Variants in CFAP221 observed in about 807,000 individuals in gnomAD.
The protein encoded by CFAP221 is cilia- and flagella-associated protein 221.
A neutral mutation model predicts 113.1 loss-of-function variants in CFAP221; 97 were observed. The observed-to-expected ratio is 0.86, with a 90% CI of 0.73 to 1.02. CFAP221 has a LOEUF of 1.02. CFAP221 is among the 50% of genes least tolerant of loss of function. The pLI, the probability that CFAP221 is intolerant of heterozygous loss-of-function variation, is 0.00. For missense variants in CFAP221, 1,025 were observed against 1,013.4 expected (o/e 1.01, Z -0.16); for synonymous variants, 331 against 354.4 (o/e 0.93, Z 0.74).
At chr2:119,596,913 A>C (rs1684020872) in intron 7 of CFAP221, among the ~76,000 whole-genome samples, 1 of 152,164 alleles carries the variant, frequency 6.6e-6, no homozygotes, top group Non-Finnish European at 1.5e-5. Context: ...GATCGCCTGC[A>C]CTTGGCACTT....
chr2:119,649,598 G>A (rs550003442), intron 22 of CFAP221, among the ~76,000 whole-genome samples: 1 of 152,336 alleles, frequency 6.6e-6, no homozygotes, highest in Admixed American at 6.5e-5. Flanking sequence ...CCAAGGCTTA[G>A]TGAAGCTGCC....
intron 16 of CFAP221, 70 bp downstream of exon 16, chr2:119,627,856 G>A (rs550514366): frequency 3.2e-6 from 5 of 1,581,006 alleles, no homozygotes; most frequent in Non-Finnish European, 4.3e-6. Context: ...TACAAGGCAA[G>A]CCCTACCTCA....
At chr2:119,574,094 G>C (rs1682257188) in intron 6 of CFAP221, among the ~76,000 whole-genome samples, 1 of 152,212 alleles carries the variant, frequency 6.6e-6, no homozygotes. Flanking sequence ...AAGAAAGCCA[G>C]TGTTGACCTT....
At chr2:119,588,468 C>T (rs1333554381) in intron 7 of CFAP221, among the ~76,000 whole-genome samples, 3 of 152,160 alleles carry the variant, frequency 2.0e-5, no homozygotes, top group African/African-American at 7.2e-5. Flanking sequence ...ACCTAAGACT[C>T]AGAATATTAA....
At chr2:119,631,015 TAAAC>T in intron 19 of CFAP221, 114 bp downstream of exon 19, 3 of 1,488,044 alleles carry the variant, frequency 2.0e-6, no homozygotes, top group Non-Finnish European at 2.7e-6. Flanking sequence ...TTTCAAGTGT[TAAAC>T]AATATCTGAC....
At chr2:119,652,967 A>G (rs182460570) in intron 23 of CFAP221, among the ~76,000 whole-genome samples, 1 of 148,676 alleles carries the variant, frequency 6.7e-6, no homozygotes, top group African/African-American at 2.4e-5. Context: ...TATTTATATT[A>G]TGTATTTATA....
chr2:119,559,843 G>T, intron 4 of CFAP221, 68 bp downstream of exon 4: 1 of 1,468,402 alleles, frequency 6.8e-7, no homozygotes, highest in Non-Finnish European at 9.2e-7. Context: ...GTGTGGGGTG[G>T]GGGGTGTGTG....
At chr2:119,600,446 C>T (rs1481291261) in intron 7 of CFAP221, among the ~76,000 whole-genome samples, 1 of 152,204 alleles carries the variant, frequency 6.6e-6, no homozygotes, top group Non-Finnish European at 1.5e-5. Context: ...AATTTGCTTA[C>T]AGATGATAGT....
chr2:119,633,689 C>T (rs1299831861), intron 19 of CFAP221, among the ~76,000 whole-genome samples: 1 of 148,256 alleles, frequency 6.7e-6, no homozygotes, highest in African/African-American at 2.5e-5. Context: ...AGACATTTCT[C>T]CAAAGAAGAC....
chr2:119,618,443 G>A (rs928946394), intron 14 of CFAP221, among the ~76,000 whole-genome samples: 12 of 152,162 alleles, frequency 7.9e-5, no homozygotes, highest in Non-Finnish European at 1.5e-4. Flanking sequence ...AGGGTGAGCC[G>A]AAGCAGGGTG....
intron 11 of CFAP221, among the ~76,000 whole-genome samples, chr2:119,606,167 CA>C (rs376153114): frequency 0.03 from 4,442 of 146,314 alleles, 84 homozygotes; most frequent in Non-Finnish European, 0.044. Context: ...CCATGCCCAG[CA>C]AATTTTTTTT....
chr2:119,603,670 A>G (rs1423887762), intron 8 of CFAP221, among the ~76,000 whole-genome samples: 2 of 152,244 alleles, frequency 1.3e-5, no homozygotes, highest in Non-Finnish European at 2.9e-5. Context: ...TCGTTGCTTA[A>G]AGAAATGCTT....
chr2:119,656,328 C>G, intron 23 of CFAP221, 34 bp from the exon 24 acceptor site: 1 of 1,577,936 alleles, frequency 6.3e-7, no homozygotes, highest in Non-Finnish European at 8.7e-7. Context: ...ATTAAGTGTC[C>G]TCATGTTTCC....
At chr2:119,561,289 CA>C (rs1032698515) in intron 5 of CFAP221, among the ~76,000 whole-genome samples, 4 of 148,230 alleles carry the variant, frequency 2.7e-5, no homozygotes, top group Admixed American at 2.0e-4. Context: ...GACTCCATCT[CA>C]AAAAAAAATA....
At position 119,585,405 on chromosome 2, in the gene CFAP221, C is replaced by T. The variant is rs1683143127; in HGVS notation, c.528-1714C>T. Among the ~76,000 whole-genome samples, 2 of 152,122 alleles carry T rather than the reference C, an allele frequency of 1.3e-5. 1 individual carries two copies. The highest frequency in any genetic ancestry group is 4.2e-4 in the South Asian group (2 of 4,816). Reference sequence around the variant, plus strand: ...ATAGTTTGGAACAGATTTCAATTTTCTCCGAAATAAAGGTTGATAAACCTG... The same window carrying T: ...ATAGTTTGGAACAGATTTCAATTTTTTCCGAAATAAAGGTTGATAAACCTG... On this transcript the variant is annotated intron_variant, in intron 6 of 23. Transcript: ENST00000413369.
chr2:119,595,739 G>T (rs1388315283), intron 7 of CFAP221, among the ~76,000 whole-genome samples: 1 of 152,120 alleles, frequency 6.6e-6, no homozygotes, highest in Admixed American at 6.5e-5. Context: ...ATTGTCCAGA[G>T]CAAAAATGGT....
intron 6 of CFAP221, among the ~76,000 whole-genome samples, chr2:119,579,041 C>T (rs1303529997): frequency 6.6e-6 from 1 of 151,910 alleles, no homozygotes; most frequent in Admixed American, 6.6e-5. Context: ...TAAAAGTCTA[C>T]CATTTAAAAG....
intron 22 of CFAP221, among the ~76,000 whole-genome samples, chr2:119,648,810 C>A (rs796480671): frequency 2.2e-4 from 34 of 152,312 alleles, no homozygotes; most frequent in African/African-American, 8.2e-4. Flanking sequence ...AAGTGAAAAG[C>A]TGGAAACACA....
intron 17 of CFAP221, 35 bp from the exon 18 acceptor site, chr2:119,630,535 G>C: frequency 6.6e-7 from 1 of 1,518,836 alleles, no homozygotes; most frequent in Non-Finnish European, 9.1e-7. Flanking sequence ...ATGGTAACAG[G>C]TTTTTAAGGA....
Sources: allele counts gnomAD v4.1 joint callset (sites outside exome capture counted in the v4.1 genomes callset), GRCh38; gene constraint gnomAD v4.1.1; transcripts MANE v1.5; gene names NCBI Gene and HGNC (gene_info 2026-07-23, HGNC 2026-07-21).